PCNT: variants seen among roughly 807,000 people sequenced by gnomAD.
PCNT encodes the protein pericentrin.
PCNT carries 319 observed loss-of-function variants against 380.4 expected under a neutral mutation model. That is an observed-to-expected ratio of 0.84 (90% confidence interval 0.77 to 0.92). The LOEUF is 0.92. Among genes scored for constraint, PCNT ranks in the 40% least tolerant of loss-of-function variants. PCNT has a pLI of 0.00. For missense variants in PCNT, 4,400 were observed against 4,255.3 expected (o/e 1.03, Z -0.95); for synonymous variants, 1,845 against 1,735.2 (o/e 1.06, Z -1.57).
intron 44 of PCNT, chr21:46,443,035 G>A: frequency 4.7e-6 from 1 of 214,578 alleles, no homozygotes. Context: ...CCAGAGCAGG[G>A]CATTTCCAGG....
At chr21:46,379,483 GATT>G (rs2085442122) in intron 15 of PCNT, among the ~76,000 whole-genome samples, 1 of 152,170 alleles carries the variant, frequency 6.6e-6, no homozygotes, top group African/African-American at 2.4e-5. Context: ...TGTATGTGGG[GATT>G]ATTATTTTTA....
At position 46,324,291 on chromosome 21, in the gene PCNT, T is replaced by A. The variant is rs771000653; in HGVS notation, c.54+9T>A. ...AGGCCGGGAGGACGAAGGTAAACAT[T>A]AGGGGCTTCTTCTCTAGCTGCTCTG... is the stretch of plus-strand genomic sequence containing the variant. On this transcript the variant is annotated intron_variant, in intron 1 of 46. Coordinates refer to ENST00000359568, the MANE Select transcript of PCNT (RefSeq NM_006031.6). The A allele has an allele frequency of 2.2e-5, 35 of 1,604,198 alleles. No homozygotes were observed. The Admixed American group carries it at 5.7e-4, about 26-fold the overall frequency.
In PCNT at chr21:46,445,517, A is replaced by G. The variant is rs1402431239; in HGVS notation, c.*190A>G. On this transcript the variant is annotated 3_prime_UTR_variant, in exon 47 of 47. Coordinates refer to ENST00000359568, the MANE Select transcript of PCNT (RefSeq NM_006031.6). The stretch of plus-strand genomic sequence containing the variant: ...TGCAAAGCCAGCTGGAGCATTTTCT[A>G]TGGAGCCTCCGTATGTTTTAGGCCC... 6.3e-6 allele frequency: 4 copies of G among 635,120 alleles called. No individual in the cohort carries two copies. The highest frequency in any genetic ancestry group is 2.8e-5 in the East Asian group (1 of 36,166). The allele number at this position is 635,120 out of a possible 1,614,324, so 39.3% of individuals were successfully genotyped here. A position where few individuals can be genotyped will look rare whatever the true frequency, so the allele number is the denominator to read the frequency against.
rs898740129 is a variant in PCNT at position 46,389,258 on chromosome 21, T to A, written c.3667T>A (p.Ser1223Thr). The A allele has an allele frequency of 3.1e-6, 5 of 1,614,116 alleles. No homozygotes were observed. The African/African-American group carries it at 5.3e-5, about 17-fold the overall frequency. ...CCTCCCGGAGTTGGACAGAACTTTG[T>A]CTGAATGTGCAGAGATGTCTTCCGT... The part of the protein sequence containing the change: ...VALPELDRTL[S>T]ECAEMSSVAE... The change falls in exon 19 of 47, where the codon TCT (serine) becomes ACT (threonine). Residue 1223 changes from serine to threonine, a missense_variant. By Grantham distance (58) the Ser-to-Thr change is moderately conservative (BLOSUM62 1). Coordinates refer to ENST00000359568, the MANE Select transcript of PCNT (RefSeq NM_006031.6).
chr21:46,398,774 G>C (rs1387577589), intron 24 of PCNT, among the ~76,000 whole-genome samples: 1 of 149,152 alleles, frequency 6.7e-6, no homozygotes, highest in Non-Finnish European at 1.5e-5. Flanking sequence ...GCCATAGTTT[G>C]TTCTTTATGT....
At chr21:46,413,779 A>G (rs2086898479) in intron 29 of PCNT, among the ~76,000 whole-genome samples, 1 of 152,122 alleles carries the variant, frequency 6.6e-6, no homozygotes, top group Admixed American at 6.5e-5. Flanking sequence ...CACTTGAAAA[A>G]AAGCTGGCAC....
chr21:46,431,496 C>T (rs749263200), intron 37 of PCNT, 33 bp from the exon 38 acceptor site: 34 of 1,613,786 alleles, frequency 2.1e-5, no homozygotes, highest in Non-Finnish European at 2.8e-5. Context: ...CCTCTTGATT[C>T]AGTGTCTCCC....
In PCNT at chr21:46,403,404, G is replaced by A. The variant is rs538325750; in HGVS notation, c.5115+921G>A. On this transcript the variant is annotated intron_variant, in intron 27 of 46. Transcript: ENST00000359568. ...AGAATTGTGTGTGTGGTGCCCACGCGGCGCGTGATTGGTGAATGAACACAG... is the reference window on the plus strand; with the variant it reads ...AGAATTGTGTGTGTGGTGCCCACGCAGCGCGTGATTGGTGAATGAACACAG... Among the ~76,000 whole-genome samples, 4 of 140,570 alleles carry A rather than the reference G, an allele frequency of 2.8e-5. No homozygotes were observed. The South Asian group carries it at 7.0e-4, about 24-fold the overall frequency. The allele number at this position is 140,570 out of a possible 152,430, so 92.2% of individuals were successfully genotyped here.
chr21:46,406,645 C>T (rs2086630523), intron 27 of PCNT, among the ~76,000 whole-genome samples: 1 of 152,170 alleles, frequency 6.6e-6, no homozygotes, highest in Admixed American at 6.5e-5. Context: ...TTAAAACTGG[C>T]TAGGGCAGTC....
In PCNT at chr21:46,416,301, C is replaced by T. The variant is rs951910156; in HGVS notation, c.6383C>T (p.Thr2128Ile). 2 of 1,613,852 alleles carry T rather than the reference C, an allele frequency of 1.2e-6. No individual in the cohort carries two copies. The highest frequency in any genetic ancestry group is 1.3e-5 in the African/African-American group (1 of 74,882). ...EEPDISPHID[T>I]CDANTATGGV... ...CCTGACATATCACCCCACATAGACA[C>T]ATGTGATGCCAATACAGCCACGGGG... The change falls in exon 30 of 47, where the codon ACA (threonine) becomes ATA (isoleucine). Residue 2128 changes from threonine to isoleucine, a missense_variant. Transcript: ENST00000359568.
chr21:46,360,434 A>G (rs2084667039), intron 13 of PCNT, among the ~76,000 whole-genome samples: 1 of 141,578 alleles, frequency 7.1e-6, no homozygotes, highest in Non-Finnish European at 1.5e-5. Flanking sequence ...TCACCGTGTT[A>G]GGATGTTCTC....
chr21:46,365,920 A>G (rs1482125441), intron 14 of PCNT, among the ~76,000 whole-genome samples: 5 of 127,818 alleles, frequency 3.9e-5, no homozygotes, highest in African/African-American at 1.3e-4. Context: ...ATGGGGTTCT[A>G]TTCATTCACT....
intron 1 of PCNT, chr21:46,324,916 C>T (rs1021641343): frequency 7.1e-6 from 7 of 985,446 alleles, no homozygotes; most frequent in South Asian, 4.7e-5. Flanking sequence ...TGTGAAAGGC[C>T]CCCGCGGCGC....
chr21:46,336,480 G>C (rs907811766), intron 3 of PCNT, among the ~76,000 whole-genome samples: 3 of 152,188 alleles, frequency 2.0e-5, no homozygotes, highest in Non-Finnish European at 4.4e-5. Flanking sequence ...TTCTTAAGTT[G>C]TTGCAGCTCT....
intron 3 of PCNT, among the ~76,000 whole-genome samples, chr21:46,344,497 G>T (rs895008947): frequency 1.3e-5 from 2 of 152,166 alleles, no homozygotes; most frequent in African/African-American, 4.8e-5. Flanking sequence ...CAGTTCCTCC[G>T]GGGGCCTTTC....
Position 46,388,728 on chromosome 21 carries a change from G to A in PCNT, c.3465-14G>A, listed in dbSNP as rs2085926140. 5 of 1,613,514 alleles carry A rather than the reference G, an allele frequency of 3.1e-6. No homozygotes were observed. The highest frequency in any genetic ancestry group is 4.2e-6 in the Non-Finnish European group (5 of 1,179,978). ...GTGACCAGCTTGCCTGATGATGGGT[G>A]TCTCCTGTCTCAGAGGGGCCCTCCA... On this transcript the variant is annotated splice_polypyrimidine_tract_variant and intron_variant, in intron 17 of 46. Coordinates refer to ENST00000359568, the MANE Select transcript of PCNT (RefSeq NM_006031.6). This position sits in a 1 kb window ranked among gnomAD's most constrained non-coding sequence, Gnocchi z 4.2.
chr21:46,328,486 A>G (rs978919811), intron 2 of PCNT, among the ~76,000 whole-genome samples: 2 of 151,804 alleles, frequency 1.3e-5, no homozygotes, highest in African/African-American at 4.8e-5. Context: ...TTTGAAATGG[A>G]GTCTCACTCT....
chr21:46,339,360 C>G (rs960466155), intron 3 of PCNT, among the ~76,000 whole-genome samples: 3 of 152,118 alleles, frequency 2.0e-5, no homozygotes, highest in African/African-American at 7.2e-5. Context: ...CTTTGGTGTT[C>G]TGCAGTTTTG....
chr21:46,356,489 A>G (rs2084482824), intron 12 of PCNT, among the ~76,000 whole-genome samples: 1 of 152,246 alleles, frequency 6.6e-6, no homozygotes, highest in African/African-American at 2.4e-5. Context: ...CTGCAGAAGA[A>G]GAGATGGGCC....
Sources: allele counts gnomAD v4.1 joint callset (sites outside exome capture counted in the v4.1 genomes callset), GRCh38; gene constraint gnomAD v4.1.1; non-coding constraint Gnocchi (gnomAD v3.1); transcripts MANE v1.5; gene names NCBI Gene and HGNC (gene_info 2026-07-23, HGNC 2026-07-21).